The following CDK13 variants were observed in gnomAD, a reference collection of about 807,000 sequenced individuals.
The protein encoded by CDK13 is cyclin dependent kinase 13.
A neutral mutation model predicts 137.6 loss-of-function variants in CDK13; 40 were observed. That is an observed-to-expected ratio of 0.29 (90% CI 0.23 to 0.38). CDK13 has a LOEUF of 0.38. Among genes scored for constraint, CDK13 ranks in the 10% least tolerant of loss-of-function variants. The probability of loss-of-function intolerance (pLI) is 1.00; values close to 1 mark genes in which losing one functional copy is unlikely to be tolerated. For missense variants in CDK13, 1,704 were observed against 1,951.8 expected (o/e 0.87, Z 2.39); for synonymous variants, 869 against 760.1 (o/e 1.14, Z -2.36).
intron 9 of CDK13, among the ~76,000 whole-genome samples, chr7:40,065,839 C>T (rs1431410908): frequency 1.3e-5 from 2 of 152,072 alleles, no homozygotes; most frequent in Non-Finnish European, 1.5e-5. Context: ...TTTATTCACA[C>T]ATATATGCAA....
At chr7:39,953,333 A>G (rs991848922) in intron 1 of CDK13, among the ~76,000 whole-genome samples, 2 of 152,312 alleles carry the variant, frequency 1.3e-5, no homozygotes, top group Middle Eastern at 6.8e-3. Context: ...TTTTAACTAT[A>G]ATACTTTGCC....
intron 5 of CDK13, among the ~76,000 whole-genome samples, chr7:40,030,700 C>T (rs1281010865): frequency 7.0e-6 from 1 of 143,048 alleles, no homozygotes; most frequent in African/African-American, 3.1e-5. Context: ...CATGCTGTCA[C>T]TGATTTTTTT....
intron 9 of CDK13, chr7:40,071,075 G>T (rs766930835): frequency 6.6e-6 from 1 of 152,216 alleles, no homozygotes; most frequent in South Asian, 2.1e-4. Flanking sequence ...ATTAGATTTT[G>T]GTTGTACCAG....
chr7:40,093,036 T>C lies in CDK13; in HGVS notation c.3487T>C (p.Ser1163Pro). The C allele has an allele frequency of 6.2e-7, 1 of 1,614,194 alleles. No homozygotes were observed. Among genetic ancestry groups the C allele is most frequent in the Non-Finnish European group, 8.5e-7 (1 of 1,180,036 alleles). Reference protein sequence around the residue: ...SKPLGGIQPSSQTIQPKVETD... With the variant: ...SKPLGGIQPSPQTIQPKVETD... Reference sequence around the variant, plus strand: ...ACCGTTGGGAGGAATTCAGCCTTCTTCTCAGACCATCCAGCCTAAAGTGGA... The same window carrying C: ...ACCGTTGGGAGGAATTCAGCCTTCTCCTCAGACCATCCAGCCTAAAGTGGA... The change falls in exon 13 of 14, where the codon TCT (serine) becomes CCT (proline). Residue 1163 changes from serine to proline, a missense_variant. Ser to Pro is a moderately conservative substitution (Grantham distance 74). Coordinates refer to ENST00000181839, the MANE Select transcript of CDK13 (RefSeq NM_003718.5).
chr7:40,059,317 C>G (rs1371556642), intron 7 of CDK13: 1 of 152,658 alleles, frequency 6.6e-6, no homozygotes, highest in East Asian at 1.9e-4. Flanking sequence ...CTTCCCTGCC[C>G]TCCATCTCTG....
intron 6 of CDK13, among the ~76,000 whole-genome samples, chr7:40,047,004 C>G (rs1349244048): frequency 2.6e-5 from 3 of 113,470 alleles, no homozygotes; most frequent in Non-Finnish European, 5.6e-5. Flanking sequence ...GCAAGCAAGA[C>G]TCGGTCTCAA....
intron 12 of CDK13, among the ~76,000 whole-genome samples, chr7:40,090,014 T>G (rs1416534638): frequency 6.6e-6 from 1 of 152,208 alleles, no homozygotes; most frequent in Non-Finnish European, 1.5e-5. Flanking sequence ...AAAGCAATTG[T>G]TATTTGTTGT....
chr7:40,071,995 C>T (rs1309359381), intron 9 of CDK13: 4 of 152,162 alleles, frequency 2.6e-5, no homozygotes, highest in African/African-American at 9.7e-5. Flanking sequence ...TGCACATCTT[C>T]TCAAGATAAC....
At position 39,959,871 on chromosome 7, in the gene CDK13, TA is replaced by T. The variant is rs759880890; in HGVS notation, c.1211+8020del. On this transcript the variant is annotated intron_variant, in intron 1 of 13. Transcript: ENST00000181839. ...TTTTTTTTTTTGCGGCATTAGCAAG[TA>T]TTTTTCGTGAGCTTGTCTTTTATCT... 1.0e-3 allele frequency among the ~76,000 whole-genome samples: 157 copies of T among 149,956 alleles called. 2 individuals carry two copies. The highest frequency in any genetic ancestry group is 1.8e-3 in the Non-Finnish European group (124 of 67,618).
intron 11 of CDK13, among the ~76,000 whole-genome samples, chr7:40,086,396 TG>T (rs1197210599): frequency 6.6e-6 from 1 of 152,236 alleles, no homozygotes; most frequent in African/African-American, 2.4e-5. Context: ...CAGGTGGGGT[TG>T]CTTAAGGGAA....
At chr7:40,027,655 CTTTTTTTTTTT>C (rs761581418) in intron 5 of CDK13, among the ~76,000 whole-genome samples, 2 of 89,724 alleles carry the variant, frequency 2.2e-5, no homozygotes, top group Admixed American at 1.1e-4. Context: ...CACCCTTGGG[CTTTTTTTTTTT>C]TTTTTTTTTT....
chr7:40,059,976 G>T (rs1193916161), intron 7 of CDK13, among the ~76,000 whole-genome samples: 1 of 152,086 alleles, frequency 6.6e-6, no homozygotes, highest in Non-Finnish European at 1.5e-5. Flanking sequence ...CCATTAATTA[G>T]TACACGTTAA....
intron 7 of CDK13, among the ~76,000 whole-genome samples, chr7:40,056,981 G>A (rs1258328441): frequency 6.6e-6 from 1 of 152,252 alleles, no homozygotes; most frequent in African/African-American, 2.4e-5. Context: ...GTGGCTGGGC[G>A]TGGTGGCTCA....
At chr7:40,087,573 G>T (rs1180871956) in intron 11 of CDK13, among the ~76,000 whole-genome samples, 1 of 136,148 alleles carries the variant, frequency 7.3e-6, no homozygotes, top group Admixed American at 7.3e-5. Context: ...TTTTGAGACG[G>T]AGTCTCGCTG....
At chr7:40,009,171 C>T (rs577972162) in intron 5 of CDK13, among the ~76,000 whole-genome samples, 1 of 152,228 alleles carries the variant, frequency 6.6e-6, no homozygotes, top group Non-Finnish European at 1.5e-5. Flanking sequence ...TCTTTTCTCA[C>T]ATCTGTATGA....
rs374462028 is a variant in CDK13 at position 40,039,593 on chromosome 7, G to A, written c.2354-6243G>A. 3.9e-4 allele frequency among the ~76,000 whole-genome samples: 59 copies of A among 151,930 alleles called. 1 individual carries two copies. The South Asian group carries it at 0.012, about 30-fold the overall frequency. On this transcript the variant is annotated intron_variant, in intron 5 of 13. Coordinates refer to ENST00000181839, the MANE Select transcript of CDK13 (RefSeq NM_003718.5). ...ATTATAGGCATGAACCACCATGCCC[G>A]GCTAATTTTTGTATTTTTAGTAGAG... is the stretch of plus-strand genomic sequence containing the variant.
intron 1 of CDK13, among the ~76,000 whole-genome samples, chr7:39,981,384 A>G (rs1285918214): frequency 7.3e-6 from 1 of 136,372 alleles, no homozygotes; most frequent in East Asian, 2.3e-4. Context: ...AAAAAAAAAA[A>G]TTATCTATTA....
intron 5 of CDK13, among the ~76,000 whole-genome samples, chr7:40,003,969 G>A (rs1464272901): frequency 6.6e-6 from 1 of 152,204 alleles, no homozygotes; most frequent in African/African-American, 2.4e-5. Context: ...TTCCTAATAA[G>A]TGGGAATAAT....
intron 7 of CDK13, among the ~76,000 whole-genome samples, chr7:40,050,431 G>A (rs865797620): frequency 2.0e-5 from 3 of 152,030 alleles, no homozygotes; most frequent in Admixed American, 6.6e-5. Context: ...TCACTCTGTC[G>A]CCTAGGCTGG....
Sources: allele counts gnomAD v4.1 joint callset (sites outside exome capture counted in the v4.1 genomes callset), GRCh38; gene constraint gnomAD v4.1.1; transcripts MANE v1.5; gene names NCBI Gene and HGNC (gene_info 2026-07-23, HGNC 2026-07-21).